The following SOX5 variants were observed in gnomAD, a reference collection of about 807,000 sequenced individuals.
SOX5 encodes transcription factor SOX-5.
In SOX5, 9 loss-of-function variants were observed where a neutral mutation model predicts 92.0. The observed-to-expected ratio is 0.10, with a 90% CI of 0.06 to 0.17. SOX5 has a LOEUF of 0.17. Ranked by LOEUF, SOX5 falls within the 10% of genes least tolerant of loss-of-function variation. The probability of loss-of-function intolerance (pLI) is 1.00; values close to 1 mark genes in which losing one functional copy is unlikely to be tolerated. For missense variants in SOX5, 642 were observed against 944.5 expected (o/e 0.68, Z 4.20); for synonymous variants, 344 against 336.3 (o/e 1.02, Z -0.25).
chr12:24,181,109 C>T (rs1955453077), intron 4 of SOX5, among the ~76,000 whole-genome samples: 1 of 152,192 alleles, frequency 6.6e-6, no homozygotes, highest in African/African-American at 2.4e-5. Context: ...GGAGGAAAAA[C>T]TAGCTGTATT....
intron 6 of SOX5, among the ~76,000 whole-genome samples, chr12:23,683,599 A>G (rs1292926240): frequency 6.6e-6 from 1 of 151,994 alleles, no homozygotes; most frequent in Non-Finnish European, 1.5e-5. Flanking sequence ...TCCTCATCAC[A>G]GGAAACCTTT....
chr12:23,753,324 A>G (rs2094242251), intron 4 of SOX5, among the ~76,000 whole-genome samples: 1 of 151,602 alleles, frequency 6.6e-6, no homozygotes, highest in Non-Finnish European at 1.5e-5. Flanking sequence ...AGTATGAAAT[A>G]TTCAGAAAAG....
At chr12:24,562,032 G>C (rs932018124) in intron 1 of SOX5, among the ~76,000 whole-genome samples, 3 of 152,240 alleles carry the variant, frequency 2.0e-5, no homozygotes, top group Non-Finnish European at 4.4e-5. Flanking sequence ...CCGTCTCCGG[G>C]TCGGGGTCCA....
intron 8 of SOX5, among the ~76,000 whole-genome samples, chr12:23,617,039 T>G (rs2076639559): frequency 6.6e-6 from 1 of 151,230 alleles, no homozygotes; most frequent in Admixed American, 6.6e-5. Context: ...ACAGGGGGAT[T>G]GCTTGAGCCC....
chr12:23,851,551 C>T (rs1206168128), intron 2 of SOX5, among the ~76,000 whole-genome samples: 1 of 150,866 alleles, frequency 6.6e-6, no homozygotes, highest in African/African-American at 2.4e-5. Flanking sequence ...CAAGTCAGCA[C>T]TTACAGACAG....
At chr12:23,813,334 G>A (rs2095913253) in intron 3 of SOX5, among the ~76,000 whole-genome samples, 1 of 151,966 alleles carries the variant, frequency 6.6e-6, no homozygotes, top group African/African-American at 2.4e-5. Flanking sequence ...ATCACATGTG[G>A]AAGTCCCTCT....
chr12:24,441,669 G>C (rs766000097), intron 1 of SOX5, among the ~76,000 whole-genome samples: 4 of 152,138 alleles, frequency 2.6e-5, no homozygotes, highest in Admixed American at 2.6e-4. Context: ...ATTGTGGGTA[G>C]TGATATAAAA....
At chr12:24,397,579 T>A (rs1960363370) in intron 1 of SOX5, among the ~76,000 whole-genome samples, 2 of 152,126 alleles carry the variant, frequency 1.3e-5, no homozygotes, top group South Asian at 4.1e-4. Context: ...TGTGGATATA[T>A]GTGTATTGTA....
At chr12:23,823,127 T>C (rs2096156380) in intron 3 of SOX5, among the ~76,000 whole-genome samples, 1 of 152,210 alleles carries the variant, frequency 6.6e-6, no homozygotes, top group Admixed American at 6.5e-5. Context: ...TTAAAGTTAA[T>C]ATTGTTATGT....
rs78494768 is a variant in SOX5, at chr12:24,384,372, T to C, written c.-250-15733A>G. The stretch of plus-strand genomic sequence containing the variant: ...TCCTGTTGTATGGCCCGGTTTCTAA[T>C]AGGTCACGGACTGATACCAGTCTGC... On this transcript the variant is annotated intron_variant, in intron 1 of 4. Coordinates refer to the SOX5 transcript ENST00000446891. Among the ~76,000 whole-genome samples, 74 of 152,238 alleles carry C rather than the reference T, an allele frequency of 4.9e-4. 2 individuals carry two copies. In the East Asian group the frequency reaches 0.013, roughly 27 times the overall value.
intron 4 of SOX5, among the ~76,000 whole-genome samples, chr12:24,130,908 C>T (rs1013112218): frequency 6.6e-6 from 1 of 152,210 alleles, no homozygotes; most frequent in Admixed American, 6.5e-5. Context: ...ATATTCCTAC[C>T]TAGGACATCT....
intron 4 of SOX5, among the ~76,000 whole-genome samples, chr12:23,750,494 C>T (rs952486919): frequency 1.3e-5 from 2 of 151,802 alleles, no homozygotes; most frequent in African/African-American, 2.4e-5. Context: ...TAGTACAAAA[C>T]AGGAAAAGGT....
At chr12:24,302,989 C>G (rs1425764069) in intron 2 of SOX5, among the ~76,000 whole-genome samples, 1 of 151,792 alleles carries the variant, frequency 6.6e-6, no homozygotes. Context: ...CAAAAAATTG[C>G]ACCAAATTTA....
At chr12:24,261,059 T>C (rs1372519969) in intron 3 of SOX5, among the ~76,000 whole-genome samples, 1 of 152,174 alleles carries the variant, frequency 6.6e-6, no homozygotes, top group Non-Finnish European at 1.5e-5. Context: ...CAAACAAACA[T>C]GTAAAATATT....
intron 6 of SOX5, among the ~76,000 whole-genome samples, chr12:23,679,298 G>C (rs1247589700): frequency 6.6e-6 from 1 of 152,032 alleles, no homozygotes; most frequent in Non-Finnish European, 1.5e-5. Flanking sequence ...ATATTCCTTT[G>C]GTGAAAGATT....
chr12:24,301,660 A>G (rs1947966904), intron 2 of SOX5, among the ~76,000 whole-genome samples: 1 of 152,166 alleles, frequency 6.6e-6, no homozygotes, highest in Non-Finnish European at 1.5e-5. Flanking sequence ...TAGTGCTCTG[A>G]CTGAAACGTT....
intron 4 of SOX5, among the ~76,000 whole-genome samples, chr12:24,205,221 C>G (rs992775761): frequency 6.6e-6 from 1 of 152,138 alleles, no homozygotes; most frequent in Non-Finnish European, 1.5e-5. Context: ...AGGCTTTACA[C>G]TTTTGAAGTA....
intron 6 of SOX5, among the ~76,000 whole-genome samples, chr12:23,714,740 T>TA (rs113340587): frequency 1.3e-5 from 2 of 152,000 alleles, no homozygotes; most frequent in African/African-American, 2.4e-5. Context: ...AAAGCCAATG[T>TA]AAAAAAAAGT....
At chr12:23,542,067 A>ACC (rs1942179477) in intron 13 of SOX5, among the ~76,000 whole-genome samples, 1 of 152,174 alleles carries the variant, frequency 6.6e-6, no homozygotes, top group Non-Finnish European at 1.5e-5. Flanking sequence ...CCGAGATCAC[A>ACC]CCACTGCACT....
Sources: allele counts gnomAD v4.1 joint callset (sites outside exome capture counted in the v4.1 genomes callset), GRCh38; gene constraint gnomAD v4.1.1; transcripts MANE v1.5; gene names NCBI Gene and HGNC (gene_info 2026-07-23, HGNC 2026-07-21).